Variants in ATF7IP observed in about 807,000 individuals in gnomAD.
ATF7IP encodes the protein activating transcription factor 7-interacting protein 1.
A neutral mutation model predicts 106.4 loss-of-function variants in ATF7IP; 23 were observed. That is an observed-to-expected ratio of 0.22 (90% confidence interval 0.16 to 0.31). ATF7IP has a LOEUF of 0.31. Among genes scored for constraint, ATF7IP ranks in the 10% least tolerant of loss-of-function variants. ATF7IP has a pLI of 1.00. For missense variants in ATF7IP, 1,334 were observed against 1,524.3 expected (o/e 0.88, Z 2.08); for synonymous variants, 542 against 539.0 (o/e 1.01, Z -0.08).
chr12:14,434,158 A>G lies in ATF7IP; in HGVS notation c.1559-179A>G, dbSNP rs570669200. 2.6e-5 allele frequency among the ~76,000 whole-genome samples: 4 copies of G among 152,296 alleles called. No individual in the cohort carries two copies. The East Asian group carries it at 7.7e-4, about 29-fold the overall frequency. On this transcript the variant is annotated intron_variant, in intron 2 of 14. Transcript: ENST00000261168. ...TGAATTGCAGAACAGTTGAATGTGG[A>G]CGTGGTCATTCATTCGATCAGTTCC...
chr12:14,439,889 T>TCCATCCA (rs1565513602), intron 5 of ATF7IP, among the ~76,000 whole-genome samples: 4 of 141,182 alleles, frequency 2.8e-5, no homozygotes, highest in African/African-American at 1.0e-4. Context: ...CCATCCATCC[T>TCCATCCA]AAAACAGTTT....
intron 14 of ATF7IP, 61 bp downstream of exon 14, chr12:14,496,404 A>G: frequency 1.8e-6 from 2 of 1,129,092 alleles, no homozygotes; most frequent in Non-Finnish European, 2.6e-6. Context: ...ATATTATTGT[A>G]TTTGGCATTT....
At chr12:14,470,878 AATC>A (rs1468056298) in intron 10 of ATF7IP, among the ~76,000 whole-genome samples, 1 of 152,216 alleles carries the variant, frequency 6.6e-6, no homozygotes. Flanking sequence ...GATCAATAAA[AATC>A]ATAATTTATC....
chr12:14,473,721 G>T (rs1944147009), intron 10 of ATF7IP, among the ~76,000 whole-genome samples: 1 of 109,776 alleles, frequency 9.1e-6, no homozygotes, highest in Non-Finnish European at 2.0e-5. Context: ...CATTCTCTTG[G>T]TTTTTTAGTA....
At chr12:14,381,817 C>T (rs950253156) in intron 1 of ATF7IP, among the ~76,000 whole-genome samples, 1 of 150,980 alleles carries the variant, frequency 6.6e-6, no homozygotes, top group African/African-American at 2.4e-5. Context: ...GCAGAGTTTT[C>T]AAATAGTATA....
chr12:14,476,937 C>A (rs1944282855), intron 11 of ATF7IP, among the ~76,000 whole-genome samples: 1 of 152,088 alleles, frequency 6.6e-6, no homozygotes, highest in South Asian at 2.1e-4. Context: ...TTGGAAAATG[C>A]TGAGTTTAAA....
At chr12:14,494,360 C>A (rs1944939913) in intron 13 of ATF7IP, among the ~76,000 whole-genome samples, 1 of 108,550 alleles carries the variant, frequency 9.2e-6, no homozygotes, top group Non-Finnish European at 1.9e-5. Context: ...TATATATACA[C>A]ATATGTTTCC....
intron 1 of ATF7IP, among the ~76,000 whole-genome samples, chr12:14,372,251 T>A (rs1938562430): frequency 6.6e-6 from 1 of 152,092 alleles, no homozygotes; most frequent in African/African-American, 2.4e-5. Flanking sequence ...CAAAGAAAAT[T>A]AAACTTTTTA....
intron 1 of ATF7IP, among the ~76,000 whole-genome samples, chr12:14,368,334 A>G (rs984379608): frequency 2.6e-5 from 4 of 151,998 alleles, no homozygotes; most frequent in Non-Finnish European, 5.9e-5. Context: ...TTCTTCTAAA[A>G]TATGTCTTTA....
At chr12:14,484,481 C>T (rs1028397604) in intron 13 of ATF7IP, among the ~76,000 whole-genome samples, 7 of 152,222 alleles carry the variant, frequency 4.6e-5, no homozygotes, top group Non-Finnish European at 7.3e-5. Context: ...CCCTTCCAAG[C>T]AAAGTGCACA....
At chr12:14,366,100 A>C (rs1938280365) in intron 1 of ATF7IP, among the ~76,000 whole-genome samples, 1 of 152,030 alleles carries the variant, frequency 6.6e-6, no homozygotes, top group Middle Eastern at 3.2e-3. Context: ...TCTAGATTTA[A>C]TTTTCCTCGT....
At chr12:14,438,379 G>A in intron 5 of ATF7IP, 112 bp downstream of exon 5, 2 of 1,057,352 alleles carry the variant, frequency 1.9e-6, no homozygotes, top group Admixed American at 5.7e-5. Flanking sequence ...CTAAATGTAA[G>A]AAGGAAAAGG....
chr12:14,490,660 C>T (rs1944785519), intron 13 of ATF7IP, among the ~76,000 whole-genome samples: 2 of 152,128 alleles, frequency 1.3e-5, no homozygotes, highest in Admixed American at 6.5e-5. Flanking sequence ...CTTAATCTTC[C>T]ACTGTCAAGT....
chr12:14,444,906 T>C (rs1183843549), intron 5 of ATF7IP, among the ~76,000 whole-genome samples: 1 of 151,958 alleles, frequency 6.6e-6, no homozygotes, highest in Non-Finnish European at 1.5e-5. Flanking sequence ...ACATGTGACA[T>C]ATACAAGATG....
At chr12:14,386,338 T>C (rs1462867368) in intron 1 of ATF7IP, among the ~76,000 whole-genome samples, 1 of 152,146 alleles carries the variant, frequency 6.6e-6, no homozygotes, top group East Asian at 1.9e-4. Context: ...TCACGTAGTA[T>C]TTCAGATAGC....
chr12:14,497,874 C>T lies in ATF7IP; in HGVS notation c.3614C>T (p.Pro1205Leu). 1 of 1,614,130 alleles carries T rather than the reference C, an allele frequency of 6.2e-7. No individual in the cohort carries two copies. Among genetic ancestry groups the T allele is most frequent in the Non-Finnish European group, 8.5e-7 (1 of 1,180,024 alleles). Reference protein sequence around the residue: ...SYHLYAYHEEPSATVPSQWKK... With the variant: ...SYHLYAYHEELSATVPSQWKK... ...CATCTCTATGCTTACCATGAGGAACCCAGTGCCACTGTGCCCTCACAATGG... is the reference window on the plus strand; with the variant it reads ...CATCTCTATGCTTACCATGAGGAACTCAGTGCCACTGTGCCCTCACAATGG... Residue 1205 changes from proline (P) to leucine (L), a missense_variant, in exon 15 of 15, where the codon CCC becomes CTC. Pro to Leu is a moderately conservative substitution (Grantham distance 98). Coordinates refer to ENST00000261168, the MANE Select transcript of ATF7IP (RefSeq NM_018179.5).
chr12:14,488,216 A>T (rs1002891016), intron 13 of ATF7IP, among the ~76,000 whole-genome samples: 8 of 152,092 alleles, frequency 5.3e-5, no homozygotes, highest in African/African-American at 1.7e-4. Context: ...ACACACACGT[A>T]TCCTATAAAT....
chr12:14,387,482 T>G (rs1291109528), intron 1 of ATF7IP, among the ~76,000 whole-genome samples: 4 of 152,202 alleles, frequency 2.6e-5, no homozygotes, highest in African/African-American at 9.6e-5. Context: ...GAGCAGTTTA[T>G]GCTGGTCTTG....
intron 10 of ATF7IP, among the ~76,000 whole-genome samples, chr12:14,469,009 A>C (rs1465558341): frequency 3.3e-5 from 5 of 152,124 alleles, no homozygotes; most frequent in Non-Finnish European, 7.4e-5. Flanking sequence ...GGCTAACTTC[A>C]TTTTTCTGTC....
Sources: allele counts gnomAD v4.1 joint callset (sites outside exome capture counted in the v4.1 genomes callset), GRCh38; gene constraint gnomAD v4.1.1; transcripts MANE v1.5; gene names NCBI Gene and HGNC (gene_info 2026-07-23, HGNC 2026-07-21).